MORC1: variants seen among roughly 807,000 people sequenced by gnomAD.
MORC1 encodes MORC family CW-type zinc finger protein 1.
A neutral mutation model predicts 134.9 loss-of-function variants in MORC1; 59 were observed. The observed-to-expected ratio is 0.44, with a 90% CI of 0.35 to 0.54. The LOEUF is 0.54. Ranked by LOEUF, MORC1 falls within the 20% of genes least tolerant of loss-of-function variation. The pLI is 0.00. For missense variants in MORC1, 947 were observed against 1,134.5 expected (o/e 0.83, Z 2.37); for synonymous variants, 395 against 391.7 (o/e 1.01, Z -0.10).
At chr3:109,056,239 A>T (rs910040554) in intron 13 of MORC1, among the ~76,000 whole-genome samples, 4 of 151,914 alleles carry the variant, frequency 2.6e-5, no homozygotes, top group African/African-American at 9.7e-5. Flanking sequence ...TTATTTATTT[A>T]TTTTTTGAGA....
intron 17 of MORC1, among the ~76,000 whole-genome samples, chr3:109,022,306 T>A (rs578079782): frequency 1.3e-5 from 2 of 152,206 alleles, no homozygotes; most frequent in Non-Finnish European, 2.9e-5. Context: ...AAGTTCTACA[T>A]GGAAAAATGC....
chr3:109,081,131 T>A (rs989832835), intron 8 of MORC1, among the ~76,000 whole-genome samples: 30 of 152,010 alleles, frequency 2.0e-4, no homozygotes, highest in Non-Finnish European at 4.3e-4. Flanking sequence ...TAAATCATGG[T>A]TAAGGAAAGC....
chr3:108,987,963 A>G (rs1293961049), intron 21 of MORC1, among the ~76,000 whole-genome samples: 3 of 152,082 alleles, frequency 2.0e-5, no homozygotes, highest in African/African-American at 7.2e-5. Context: ...ACGCACTGAT[A>G]CGCACGCAAC....
Position 109,053,914 on chromosome 3 carries a change from A to G in MORC1, c.1330+814T>C, listed in dbSNP as rs757066350. On this transcript the variant is annotated intron_variant, in intron 14 of 27. Coordinates refer to ENST00000232603, the MANE Select transcript of MORC1 (RefSeq NM_014429.4). ...TTTATCTTTTTAAGTTTCCAGATGT[A>G]TTTATTTTAGAAATTTTTAATTGAA... 7.5e-4 allele frequency among the ~76,000 whole-genome samples: 114 copies of G among 152,194 alleles called. 5 individuals carry two copies. Among genetic ancestry groups the G allele is most frequent in the Non-Finnish European group, 1.6e-4 (11 of 68,024 alleles).
At chr3:109,075,661 T>TCTGTTTTGGTACCAGTACCATG (rs1950406097) in intron 8 of MORC1, among the ~76,000 whole-genome samples, 4 of 152,190 alleles carry the variant, frequency 2.6e-5, no homozygotes, top group Non-Finnish European at 5.9e-5. Context: ...GGTCTATATA[T>TCTGTTTTGGTACCAGTACCATG]CTGTTTTGGT....
intron 21 of MORC1, among the ~76,000 whole-genome samples, chr3:108,987,220 A>G (rs928572835): frequency 1.3e-5 from 2 of 152,180 alleles, no homozygotes; most frequent in Admixed American, 1.3e-4. Context: ...TTGTGCAGAT[A>G]TTTTAAAAAT....
At chr3:109,079,862 T>C (rs1194735474) in intron 8 of MORC1, among the ~76,000 whole-genome samples, 1 of 152,114 alleles carries the variant, frequency 6.6e-6, no homozygotes, top group Admixed American at 6.6e-5. Flanking sequence ...AAAAATCTTA[T>C]ATGAATACCA....
At chr3:109,090,642 A>C (rs971830180) in intron 8 of MORC1, among the ~76,000 whole-genome samples, 7 of 147,372 alleles carry the variant, frequency 4.7e-5, no homozygotes, top group East Asian at 1.9e-4. Flanking sequence ...AAAAAAAAAA[A>C]CACGATGTCA....
Position 109,042,954 on chromosome 3 carries a change from T to C in MORC1, c.1331-7486A>G, listed in dbSNP as rs1390199443. On this transcript the variant is annotated intron_variant, in intron 14 of 27. Transcript: ENST00000232603. ...GGTTGGGGAGATGTTGGTAAAAGGA[T>C]ACACAATTTTAGTTAGGCAGGATAA... 2.0e-5 allele frequency among the ~76,000 whole-genome samples: 3 copies of C among 152,168 alleles called. No individual in the cohort carries two copies. The East Asian group carries it at 5.8e-4, about 29-fold the overall frequency.
chr3:109,040,429 A>AAGGAAGGAAGGAAGG, intron 14 of MORC1, among the ~76,000 whole-genome samples: 1 of 100,958 alleles, frequency 9.9e-6, no homozygotes, highest in Non-Finnish European at 2.0e-5. Context: ...GGAAGGAAGG[A>AAGGAAGGAAGGAAGG]AAGAAAGAAA....
chr3:108,997,404 T>A (rs1222264287), intron 21 of MORC1, among the ~76,000 whole-genome samples: 1 of 152,046 alleles, frequency 6.6e-6, no homozygotes, highest in African/African-American at 2.4e-5. Flanking sequence ...TGGTGGTGCA[T>A]GTAATTCCAG....
intron 1 of MORC1, among the ~76,000 whole-genome samples, 191 bp downstream of exon 1, chr3:109,117,803 AG>A (rs1488390666): frequency 6.6e-6 from 1 of 152,208 alleles, no homozygotes; most frequent in African/African-American, 2.4e-5. Flanking sequence ...GAGCACCTAA[AG>A]GGTTCAGCCT....
At chr3:109,052,559 T>C (rs1949853552) in intron 14 of MORC1, among the ~76,000 whole-genome samples, 1 of 152,122 alleles carries the variant, frequency 6.6e-6, no homozygotes, top group African/African-American at 2.4e-5. Context: ...CAACCTCATT[T>C]CCCCTTTCAT....
At chr3:109,090,676 A>G (rs1950702454) in intron 8 of MORC1, among the ~76,000 whole-genome samples, 2 of 151,930 alleles carry the variant, frequency 1.3e-5, no homozygotes, top group South Asian at 4.1e-4. Context: ...ACTATGTGAA[A>G]TAAATAATGC....
At chr3:109,109,322 G>C (rs985513714) in intron 3 of MORC1, among the ~76,000 whole-genome samples, 3 of 152,016 alleles carry the variant, frequency 2.0e-5, no homozygotes, top group African/African-American at 7.3e-5. Flanking sequence ...GGGGAACAAA[G>C]ACCTCAACAT....
intron 14 of MORC1, among the ~76,000 whole-genome samples, chr3:109,035,740 TAA>T (rs745883471): frequency 1.2e-3 from 179 of 152,336 alleles, no homozygotes; most frequent in Non-Finnish European, 1.6e-3. Context: ...GCATGTATTT[TAA>T]AAGTTATGTG....
intron 24 of MORC1, among the ~76,000 whole-genome samples, chr3:108,974,685 G>C (rs1405903024): frequency 1.3e-5 from 2 of 152,216 alleles, no homozygotes; most frequent in Non-Finnish European, 2.9e-5. Flanking sequence ...AACAGGAATA[G>C]TCCTTCTCTT....
At chr3:109,032,634 T>C in intron 16 of MORC1, 86 bp downstream of exon 16, 3 of 898,516 alleles carry the variant, frequency 3.3e-6, no homozygotes, top group Non-Finnish European at 5.1e-6. Flanking sequence ...AAAATCTATA[T>C]TATAGATTGA....
At chr3:109,078,006 G>A (rs1576718024) in intron 8 of MORC1, among the ~76,000 whole-genome samples, 1 of 152,054 alleles carries the variant, frequency 6.6e-6, no homozygotes, top group East Asian at 1.9e-4. Flanking sequence ...AACAGACACA[G>A]ACGGGCATTA....
Sources: allele counts gnomAD v4.1 joint callset (sites outside exome capture counted in the v4.1 genomes callset), GRCh38; gene constraint gnomAD v4.1.1; transcripts MANE v1.5; gene names NCBI Gene and HGNC (gene_info 2026-07-23, HGNC 2026-07-21).